DISP1: variants seen among roughly 807,000 people sequenced by gnomAD.
DISP1 encodes the protein dispatched RND transporter family member 1.
Under a neutral mutation model 37.3 loss-of-function variants are expected in DISP1, and 30 were observed. The ratio of observed to expected loss-of-function variants is 0.80; its 90% CI spans 0.60 to 1.09. The LOEUF is 1.09. Among genes scored for constraint, DISP1 ranks in the 50% least tolerant of loss-of-function variants. DISP1 has a pLI of 0.00. For synonymous variants in DISP1, 634 were observed against 690.2 expected (o/e 0.92, Z 1.28); for missense variants, 1,598 against 1,879.5 (o/e 0.85, Z 2.77).
intron 1 of DISP1, among the ~76,000 whole-genome samples, chr1:222,849,955 G>C (rs1300222146): frequency 6.6e-6 from 1 of 152,066 alleles, no homozygotes; most frequent in Non-Finnish European, 1.5e-5. Context: ...AGAAAGACAG[G>C]TTGTATGTGG....
At chr1:222,917,237 GT>G (rs1445011831) in intron 1 of DISP1, among the ~76,000 whole-genome samples, 1 of 132,940 alleles carries the variant, frequency 7.5e-6, no homozygotes, top group East Asian at 2.7e-4. Context: ...TTCTGCATTT[GT>G]CCCCCCTTCA....
At chr1:222,889,561 T>C (rs1378787681) in intron 1 of DISP1, among the ~76,000 whole-genome samples, 1 of 115,458 alleles carries the variant, frequency 8.7e-6, no homozygotes, top group Non-Finnish European at 2.0e-5. Context: ...CATGCAACTA[T>C]TTTTTTTTTT....
chr1:222,911,914 A>C (rs1672234131), intron 1 of DISP1, among the ~76,000 whole-genome samples: 1 of 152,118 alleles, frequency 6.6e-6, no homozygotes, highest in South Asian at 2.1e-4. Context: ...CAGCATGAAA[A>C]CCAAATCATG....
intron 3 of DISP1, among the ~76,000 whole-genome samples, chr1:222,970,655 ACT>A (rs1397157892): frequency 2.0e-5 from 3 of 152,062 alleles, no homozygotes; most frequent in African/African-American, 7.2e-5. Flanking sequence ...ATTTAATCTA[ACT>A]CTCCTTATTT....
At chr1:222,981,517 A>G (rs1294345364) in intron 3 of DISP1, among the ~76,000 whole-genome samples, 2 of 152,244 alleles carry the variant, frequency 1.3e-5, no homozygotes, top group Non-Finnish European at 2.9e-5. Flanking sequence ...CAACAGTTTA[A>G]TACAAAATGC....
intron 1 of DISP1, among the ~76,000 whole-genome samples, chr1:222,875,270 G>A (rs550372764): frequency 4.0e-5 from 6 of 151,814 alleles, no homozygotes; most frequent in East Asian, 1.9e-4. Context: ...CCCAAACCAC[G>A]CCACTGTACT....
intron 1 of DISP1, among the ~76,000 whole-genome samples, chr1:222,862,295 T>A (rs1668919905): frequency 6.6e-6 from 1 of 152,188 alleles, no homozygotes; most frequent in African/African-American, 2.4e-5. Flanking sequence ...AAGTTTAAAG[T>A]TTTTATATTC....
chr1:222,932,905 G>A (rs1331186084), intron 2 of DISP1, among the ~76,000 whole-genome samples: 1 of 151,932 alleles, frequency 6.6e-6, no homozygotes, highest in Non-Finnish European at 1.5e-5. Context: ...GGATATCACT[G>A]ATATCATTTA....
intron 1 of DISP1, among the ~76,000 whole-genome samples, chr1:222,878,196 T>G (rs1477472334): frequency 6.6e-6 from 1 of 152,224 alleles, no homozygotes; most frequent in Non-Finnish European, 1.5e-5. Flanking sequence ...TTGAAAATGA[T>G]CTGGTGAACT....
chr1:222,977,692 G>C (rs11581446), intron 3 of DISP1, among the ~76,000 whole-genome samples: 147,628 of 151,326 alleles, frequency 0.98, 72,099 homozygotes, highest in East Asian at 1. Flanking sequence ...CCTCTCCCCC[G>C]ACCCCACAAC....
At chr1:222,966,647 C>T (rs1204658011) in intron 3 of DISP1, among the ~76,000 whole-genome samples, 1 of 152,116 alleles carries the variant, frequency 6.6e-6, no homozygotes, top group Admixed American at 6.6e-5. Flanking sequence ...ATGTTGATTG[C>T]CTCTGGGGAC....
chr1:222,956,660 TC>T (rs1395036619), intron 3 of DISP1, among the ~76,000 whole-genome samples: 1 of 152,128 alleles, frequency 6.6e-6, no homozygotes, highest in East Asian at 1.9e-4. Flanking sequence ...ACCCCTGACC[TC>T]CTTCTCCCAA....
intron 2 of DISP1, among the ~76,000 whole-genome samples, chr1:222,937,091 T>TA (rs1553331929): frequency 1.5e-5 from 2 of 132,142 alleles, no homozygotes; most frequent in African/African-American, 2.8e-5. Context: ...ATATTACAGT[T>TA]TATATATATA....
At chr1:222,856,781 T>C (rs1668575646) in intron 1 of DISP1, among the ~76,000 whole-genome samples, 1 of 148,750 alleles carries the variant, frequency 6.7e-6, no homozygotes. Context: ...CTTGGCTCAC[T>C]GCAACCTCTG....
chr1:222,963,737 G>A (rs67420224), intron 3 of DISP1, among the ~76,000 whole-genome samples: 41,985 of 151,568 alleles, frequency 0.28, 5,991 homozygotes, highest in South Asian at 0.34. Flanking sequence ...GACACTGGGG[G>A]GGAACAACAC....
intron 7 of DISP1, among the ~76,000 whole-genome samples, chr1:222,993,884 T>C (rs1394793507): frequency 6.6e-6 from 1 of 152,076 alleles, no homozygotes; most frequent in Non-Finnish European, 1.5e-5. Context: ...CTGATTTTGC[T>C]CTCCAAAATC....
intron 1 of DISP1, among the ~76,000 whole-genome samples, chr1:222,903,334 A>G (rs1671715176): frequency 2.0e-5 from 3 of 150,036 alleles, no homozygotes; most frequent in Non-Finnish European, 4.4e-5. Flanking sequence ...GCATTAGGAG[A>G]TATACCTAAT....
chr1:222,989,808 T>C (rs1259555853), intron 4 of DISP1, among the ~76,000 whole-genome samples: 1 of 1,052 alleles, frequency 9.5e-4, no homozygotes, highest in Non-Finnish European at 0.033. Flanking sequence ...TTAGTTTAGT[T>C]TTTTTTTTTT....
intron 7 of DISP1, among the ~76,000 whole-genome samples, chr1:222,994,375 A>C (rs1678910961): frequency 6.6e-6 from 1 of 152,192 alleles, no homozygotes; most frequent in Non-Finnish European, 1.5e-5. Flanking sequence ...TGTACCAGAG[A>C]GACCATGTAC....
Sources: allele counts gnomAD v4.1 joint callset (sites outside exome capture counted in the v4.1 genomes callset), GRCh38; gene constraint gnomAD v4.1.1; transcripts MANE v1.5; gene names NCBI Gene and HGNC (gene_info 2026-07-23, HGNC 2026-07-21).